Variants in KDM5A observed in about 807,000 individuals in gnomAD.
The protein encoded by KDM5A is lysine-specific demethylase 5A.
A neutral mutation model predicts 193.5 loss-of-function variants in KDM5A; 42 were observed. The observed-to-expected ratio is 0.22, with a 90% CI of 0.17 to 0.28. The LOEUF is 0.28. KDM5A is among the 10% of genes least tolerant of loss of function. The pLI is 1.00. For synonymous variants in KDM5A, 796 were observed against 718.1 expected, an observed-to-expected ratio of 1.11 and a Z score of -1.73; for missense variants, 1,692 against 2,055.1, an observed-to-expected ratio of 0.82 and a Z score of 3.42.
chr12:350,474 G>T, intron 10 of KDM5A, 147 bp downstream of exon 10: 28 of 663,630 alleles, frequency 4.2e-5, no homozygotes, highest in Non-Finnish European at 6.8e-5. Flanking sequence ...AAAGTATTCT[G>T]AATTCTTCGT....
At position 322,447 on chromosome 12, in the gene KDM5A, T is replaced by C; in HGVS notation, c.2396A>G (p.Gln799Arg). The change falls in exon 17 of 28, where the codon CAG becomes CGG. Residue 799 changes from glutamine to arginine, a missense_variant. Around this residue, in one of 11 missense-constraint regions of KDM5A, gnomAD observed 965 missense variants for 1,061.0 expected, o/e 0.91. Transcript: ENST00000399788. Reference protein sequence around the residue: ...KEAETCASVAQLLLSKKQKHR... With the variant: ...KEAETCASVARLLLSKKQKHR... Reference sequence around the variant, plus strand: ...TTTCTGCTTTTTGCTCAGAAGCAGCTGAGCCACAGAAGCACAGGTCTCAGC... The same window carrying C: ...TTTCTGCTTTTTGCTCAGAAGCAGCCGAGCCACAGAAGCACAGGTCTCAGC... 5.6e-6 allele frequency: 9 copies of C among 1,613,380 alleles called. No homozygotes were observed. The highest frequency in any genetic ancestry group is 7.6e-6 in the Non-Finnish European group (9 of 1,179,980).
chr12:338,967 G>C (rs1441681432), intron 10 of KDM5A, among the ~76,000 whole-genome samples: 1 of 152,088 alleles, frequency 6.6e-6, no homozygotes, highest in East Asian at 1.9e-4. Context: ...ATCACCTGAG[G>C]TTGGGAGTTC....
At chr12:377,154 C>G (rs760837447) in intron 3 of KDM5A, among the ~76,000 whole-genome samples, 2 of 152,234 alleles carry the variant, frequency 1.3e-5, no homozygotes, top group Non-Finnish European at 2.9e-5. Flanking sequence ...AGGCAACTAT[C>G]CCTCTCCAAC....
intron 24 of KDM5A, among the ~76,000 whole-genome samples, chr12:297,477 AACT>A (rs1284280680): frequency 6.6e-6 from 1 of 152,220 alleles, no homozygotes; most frequent in Non-Finnish European, 1.5e-5. Context: ...TAACTGGAGA[AACT>A]ACTGCCTTCG....
Position 323,604 on chromosome 12 carries a change from G to C in KDM5A, c.2146C>G (p.Leu716Val). 3.7e-6 allele frequency: 6 copies of C among 1,613,902 alleles called. No homozygotes were observed. The highest frequency in any genetic ancestry group is 5.1e-6 in the Non-Finnish European group (6 of 1,179,766). ...TTACAAAATACTTTTGGATACCTAA[G>C]ACATTTCTTCTGCATGGGGCAGGGG... The part of the protein sequence containing the change: ...LCPCPMQKKC[L>V]RYRYPLEDLP... The change falls in exon 15 of 28, where the codon CTT (leucine) becomes GTT (valine). Residue 716 changes from leucine (L) to valine (V), a missense_variant. Around this residue, in one of 11 missense-constraint regions of KDM5A, gnomAD observed 88 missense variants for 124.6 expected, o/e 0.71. Transcript: ENST00000399788.
At chr12:359,603 G>A (rs1000614703) in intron 5 of KDM5A, among the ~76,000 whole-genome samples, 1 of 151,878 alleles carries the variant, frequency 6.6e-6, no homozygotes, top group African/African-American at 2.4e-5. Flanking sequence ...AATTAGCTGA[G>A]TGGTGGTATG....
intron 3 of KDM5A, among the ~76,000 whole-genome samples, chr12:382,122 T>C (rs970099586): frequency 1.3e-5 from 2 of 152,192 alleles, no homozygotes; most frequent in Admixed American, 6.5e-5. Context: ...ATTATTCTCA[T>C]GTTTTTCCTT....
At chr12:319,127 T>C (rs1030352990) in intron 18 of KDM5A, among the ~76,000 whole-genome samples, 3 of 152,256 alleles carry the variant, frequency 2.0e-5, no homozygotes, top group African/African-American at 7.2e-5. Context: ...TAGGTTACAA[T>C]GAGTTTGAAT....
intron 24 of KDM5A, among the ~76,000 whole-genome samples, chr12:301,049 CA>C (rs1170625585): frequency 6.6e-6 from 1 of 151,932 alleles, no homozygotes; most frequent in Admixed American, 6.6e-5. Flanking sequence ...GCATACCAAC[CA>C]AAAAAAGTCC....
chr12:337,508 A>C (rs1212747023), intron 10 of KDM5A, among the ~76,000 whole-genome samples: 1 of 152,240 alleles, frequency 6.6e-6, no homozygotes. Context: ...AACACAGGAA[A>C]TAACATTAGA....
At chr12:379,667 AC>A (rs1389140487) in intron 3 of KDM5A, among the ~76,000 whole-genome samples, 1 of 152,234 alleles carries the variant, frequency 6.6e-6, no homozygotes, top group African/African-American at 2.4e-5. Flanking sequence ...AGTTTTGCAA[AC>A]ATTCTCACAG....
rs2137426207 is a variant in KDM5A at position 334,361 on chromosome 12, G to A, written c.1370C>T (p.Ala457Val). 4 of 1,613,934 alleles carry A rather than the reference G, an allele frequency of 2.5e-6. No individual in the cohort carries two copies. The highest frequency in any genetic ancestry group is 1.1e-5 in the South Asian group (1 of 91,082). Residue 457 changes from alanine (A) to valine (V), a missense_variant, in exon 11 of 28, where the codon GCA becomes GTA. Physicochemically the swap from Ala to Val is moderately conservative, Grantham distance 64. Around this residue, in one of 11 missense-constraint regions of KDM5A, gnomAD observed 172 missense variants for 260.3 expected, o/e 0.66. Transcript: ENST00000399788. The stretch of plus-strand genomic sequence containing the variant: ...ACCAGAGATGTCCACATTAATATGT[G>A]CAAGAACAGACTGTTCCAGGACAGG... ...NMPVLEQSVLAHINVDISGMK... is the reference protein window; with the variant it reads ...NMPVLEQSVLVHINVDISGMK...
intron 14 of KDM5A, among the ~76,000 whole-genome samples, chr12:325,380 G>A (rs1943768911): frequency 6.6e-6 from 1 of 152,138 alleles, no homozygotes; most frequent in South Asian, 2.1e-4. Context: ...AAGACACTCT[G>A]GAAAAAATAT....
At position 384,140 on chromosome 12, in the gene KDM5A, A is replaced by T; in HGVS notation, c.257T>A (p.Val86Glu). 1 of 1,592,820 alleles carries T rather than the reference A, an allele frequency of 6.3e-7. No individual in the cohort carries two copies. Among genetic ancestry groups the T allele is most frequent in the Non-Finnish European group, 8.6e-7 (1 of 1,160,600 alleles). ...RLNELEAMTR[V>E]RLDFLDQLAK... ...TAGTTGATCCAAGAAATCCAATCTC[A>T]CTCTGGTCATTGCCTAAGATTATTA... The change falls in exon 3 of 28, where the codon GTG (valine) becomes GAG (glutamate). Residue 86 changes from valine (V) to glutamate (E), a missense_variant. Physicochemically the swap from Val to Glu is moderately radical, Grantham distance 121 (BLOSUM62 -2). This residue lies in a region of KDM5A where 120 missense variants were observed against 172.0 expected (regional missense o/e 0.70). Coordinates refer to ENST00000399788, the MANE Select transcript of KDM5A (RefSeq NM_001042603.3).
At chr12:298,022 T>TG (rs1943395581) in intron 24 of KDM5A, among the ~76,000 whole-genome samples, 1 of 152,138 alleles carries the variant, frequency 6.6e-6, no homozygotes. Context: ...AGGGCATCTC[T>TG]GAAAAAAAGG....
At chr12:378,530 G>T (rs1350676046) in intron 3 of KDM5A, among the ~76,000 whole-genome samples, 4 of 152,136 alleles carry the variant, frequency 2.6e-5, no homozygotes, top group Non-Finnish European at 1.5e-5. Flanking sequence ...CTCCCAAACT[G>T]CTGGGATTAC....
intron 26 of KDM5A, among the ~76,000 whole-genome samples, chr12:295,362 GAGAA>G (rs1243319551): frequency 5.5e-5 from 8 of 145,532 alleles, no homozygotes; most frequent in African/African-American, 1.7e-4. Context: ...AAGAGAAAGA[GAGAA>G]AGAAAGAAAG....
Position 333,503 on chromosome 12 carries a change from A to G in KDM5A, c.1637T>C (p.Met546Thr), listed in dbSNP as rs759747883. 1 of 1,614,220 alleles carries G rather than the reference A, an allele frequency of 6.2e-7. No individual in the cohort carries two copies. Residue 546 changes from methionine (M) to threonine (T), a missense_variant, in exon 12 of 28, where the codon ATG becomes ACG. Met to Thr is a moderately conservative substitution (Grantham distance 81). This residue lies in a region of KDM5A where 172 missense variants were observed against 260.3 expected (regional missense o/e 0.66). Transcript: ENST00000399788. Reference sequence around the variant, plus strand: ...AAGACTCACAGGCACACCATGCTCCATTAGCACGTTGGGGTTCATGATGGT... The same window carrying G: ...AAGACTCACAGGCACACCATGCTCCGTTAGCACGTTGGGGTTCATGATGGT... ...LVTIMNPNVL[M>T]EHGVPVYRTN...
At chr12:289,247 A>C (rs1943257783) in intron 27 of KDM5A, among the ~76,000 whole-genome samples, 1 of 152,160 alleles carries the variant, frequency 6.6e-6, no homozygotes, top group African/African-American at 2.4e-5. Flanking sequence ...GAAAAATACT[A>C]CTTAAATTAG....
Sources: gnomAD v4.1 joint callset for allele counts (sites outside exome capture counted in the v4.1 genomes callset) on GRCh38, gnomAD v4.1.1 for gene constraint, gnomAD v4.1.1 regional missense constraint, MANE v1.5 for transcripts, NCBI Gene and HGNC (gene_info 2026-07-23, HGNC 2026-07-21) for gene names.